HERC3: variants seen among roughly 807,000 people sequenced by gnomAD.
HERC3 encodes the protein probable E3 ubiquitin-protein ligase HERC3.
In HERC3, 58 loss-of-function variants were observed where a neutral mutation model predicts 129.9. The ratio of observed to expected loss-of-function variants is 0.45; its 90% CI spans 0.36 to 0.56. The LOEUF is 0.56. Among genes scored for constraint, HERC3 ranks in the 20% least tolerant of loss-of-function variants. The pLI, the probability that HERC3 is intolerant of heterozygous loss-of-function variation, is 0.00. For synonymous variants in HERC3, 430 were observed against 451.0 expected (o/e 0.95, Z 0.59); for missense variants, 835 against 1,244.2 (o/e 0.67, Z 4.95).
At chr4:88,646,239 C>A (rs1728677427) in intron 3 of HERC3, among the ~76,000 whole-genome samples, 1 of 152,154 alleles carries the variant, frequency 6.6e-6, no homozygotes, top group Admixed American at 6.5e-5. Flanking sequence ...CTCATATCAT[C>A]CTTCTCAGTT....
rs748749365 is a variant in HERC3, at chr4:88,662,537, A to G, written c.1253A>G (p.Asn418Ser). The change falls in exon 11 of 26, where the codon AAC becomes AGC. Residue 418 changes from asparagine (N) to serine (S), a missense_variant. Physicochemically the swap from Asn to Ser is conservative, Grantham distance 46. Coordinates refer to ENST00000402738, the MANE Select transcript of HERC3 (RefSeq NM_014606.3). ...AVWRQKLSEH[N>S]NANTINGVVQ... Reference sequence around the variant, plus strand: ...TGGAGACAAAAACTCTCAGAACACAACAATGCAAATACAATCAAGTATGTG... The same window carrying G: ...TGGAGACAAAAACTCTCAGAACACAGCAATGCAAATACAATCAAGTATGTG... The G allele has an allele frequency of 2.0e-5, 32 of 1,612,260 alleles. No homozygotes were observed. The highest frequency in any genetic ancestry group is 8.0e-5 in the African/African-American group (6 of 74,794).
intron 7 of HERC3, among the ~76,000 whole-genome samples, chr4:88,654,387 T>TATATATATATATACAC (rs1321614619): frequency 1.1e-5 from 1 of 94,338 alleles, no homozygotes; most frequent in African/African-American, 3.2e-5. Flanking sequence ...TATATATATA[T>TATATATATATATACAC]ACACACACAC....
At chr4:88,690,122 CAA>C (rs1733921769) in intron 23 of HERC3, 6 of 985,164 alleles carry the variant, frequency 6.1e-6, no homozygotes, top group Non-Finnish European at 7.2e-6. Flanking sequence ...AGTCTTGATT[CAA>C]GTAAGAATGT....
At chr4:88,541,902 AACAAAGAC>A in the HERC3 span, among the ~76,000 whole-genome samples, 3 of 152,230 alleles carry the variant, frequency 2.0e-5, no homozygotes, top group African/African-American at 7.2e-5. Flanking sequence ...AACCAATGAG[AACAAAGAC>A]ACAACATACC....
intron 2 of HERC3, among the ~76,000 whole-genome samples, chr4:88,598,325 G>A (rs1578136920): frequency 1.3e-5 from 2 of 152,164 alleles, no homozygotes; most frequent in African/African-American, 2.4e-5. Context: ...TCTCCCCACC[G>A]CCCTCCACCC....
intron 3 of HERC3, 48 bp from the exon 4 acceptor site, chr4:88,649,792 T>G: frequency 6.4e-7 from 1 of 1,551,136 alleles, no homozygotes; most frequent in African/African-American, 1.4e-5. Context: ...GTAGCAGTAT[T>G]CCTGTTTCTG....
At chr4:88,608,455 A>G (rs917199180) in intron 3 of HERC3, among the ~76,000 whole-genome samples, 3 of 152,234 alleles carry the variant, frequency 2.0e-5, no homozygotes, top group Non-Finnish European at 2.9e-5. Context: ...TTCCATGTAC[A>G]GTGCACTCAA....
the HERC3 span, among the ~76,000 whole-genome samples, chr4:88,542,550 C>T: frequency 1.3e-5 from 2 of 152,286 alleles, no homozygotes; most frequent in Non-Finnish European, 1.5e-5. Context: ...CTATTCCAAT[C>T]AATAGAAACA....
At chr4:88,688,382 G>A (rs537458251) in intron 23 of HERC3, among the ~76,000 whole-genome samples, 1 of 152,262 alleles carries the variant, frequency 6.6e-6, no homozygotes, top group African/African-American at 2.4e-5. Context: ...TGGGGGTCCT[G>A]TGGAAATAGA....
At chr4:88,570,492 CCT>C in the HERC3 span, among the ~76,000 whole-genome samples, 4 of 152,112 alleles carry the variant, frequency 2.6e-5, no homozygotes, top group Non-Finnish European at 4.4e-5. Flanking sequence ...CCTGCCTTCC[CCT>C]GTTTTTGTTT....
chr4:88,558,871 G>A, the HERC3 span, among the ~76,000 whole-genome samples: 7,269 of 151,588 alleles, frequency 0.048, 400 homozygotes, highest in East Asian at 0.27. Context: ...GGGAGGCTGA[G>A]GCAGAAGAAT....
the HERC3 span, among the ~76,000 whole-genome samples, chr4:88,576,658 G>A: frequency 6.6e-6 from 1 of 152,120 alleles, no homozygotes; most frequent in Non-Finnish European, 1.5e-5. Flanking sequence ...GTGTTGGGGT[G>A]GGGAGGTGGT....
intron 25 of HERC3, among the ~76,000 whole-genome samples, chr4:88,706,080 T>A (rs529087634): frequency 2.0e-5 from 3 of 152,322 alleles, no homozygotes; most frequent in African/African-American, 7.2e-5. Context: ...CTTACAGAAA[T>A]GTTTGTTAAC....
At chr4:88,632,231 G>A (rs1340192147) in intron 3 of HERC3, among the ~76,000 whole-genome samples, 1 of 152,164 alleles carries the variant, frequency 6.6e-6, no homozygotes, top group Non-Finnish European at 1.5e-5. Flanking sequence ...CTTGAGAGCT[G>A]AACTAATAGA....
chr4:88,617,103 A>G (rs1365659662), intron 3 of HERC3, among the ~76,000 whole-genome samples: 2 of 144,084 alleles, frequency 1.4e-5, no homozygotes, highest in African/African-American at 5.2e-5. Context: ...ACGCTTCACT[A>G]TTGAAATGCC....
chr4:88,669,385 C>T (rs964134950), intron 14 of HERC3, among the ~76,000 whole-genome samples: 6 of 152,078 alleles, frequency 3.9e-5, no homozygotes, highest in South Asian at 2.1e-4. Flanking sequence ...AAGTAAAAAT[C>T]GTAGTTTTTC....
intron 3 of HERC3, among the ~76,000 whole-genome samples, chr4:88,611,130 G>A (rs778983742): frequency 6.6e-6 from 1 of 152,192 alleles, no homozygotes; most frequent in African/African-American, 2.4e-5. Flanking sequence ...TTCTGTTGTT[G>A]GTTAAGCTTG....
intron 18 of HERC3, among the ~76,000 whole-genome samples, chr4:88,677,433 T>C (rs2149311848): frequency 6.6e-6 from 1 of 152,260 alleles, no homozygotes; most frequent in East Asian, 1.9e-4. Flanking sequence ...CATAACTTCA[T>C]TTATCTTTCC....
At chr4:88,662,958 T>A (rs2149290046) in intron 11 of HERC3, among the ~76,000 whole-genome samples, 1 of 152,104 alleles carries the variant, frequency 6.6e-6, no homozygotes, top group Non-Finnish European at 1.5e-5. Flanking sequence ...TTCTAGCATT[T>A]TCCTATTCAT....
Sources: allele counts gnomAD v4.1 joint callset (sites outside exome capture counted in the v4.1 genomes callset), GRCh38; gene constraint gnomAD v4.1.1; transcripts MANE v1.5; gene names NCBI Gene and HGNC (gene_info 2026-07-23, HGNC 2026-07-21).